The following ATP10D variants were observed in gnomAD, a reference collection of about 807,000 sequenced individuals.
ATP10D encodes the protein phospholipid-transporting ATPase VD.
Under a neutral mutation model 144.8 loss-of-function variants are expected in ATP10D, and 89 were observed. The observed-to-expected ratio is 0.61, with a 90% CI of 0.52 to 0.73. ATP10D has a LOEUF of 0.73. Among genes scored for constraint, ATP10D ranks in the 30% least tolerant of loss-of-function variants. ATP10D has a pLI of 0.00. For missense variants in ATP10D, 1,603 were observed against 1,714.8 expected (o/e 0.93, Z 1.15); for synonymous variants, 571 against 615.1 (o/e 0.93, Z 1.06).
intron 10 of ATP10D, among the ~76,000 whole-genome samples, chr4:47,549,079 T>C (rs1463118044): frequency 6.6e-6 from 1 of 152,190 alleles, no homozygotes; most frequent in African/African-American, 2.4e-5. Context: ...CCTTTGGGCA[T>C]TAGAATGTCA....
chr4:47,579,884 C>T (rs954614760), intron 19 of ATP10D, among the ~76,000 whole-genome samples: 1 of 152,228 alleles, frequency 6.6e-6, no homozygotes, highest in East Asian at 1.9e-4. Flanking sequence ...GAATACTGCG[C>T]TGGCAGCAAG....
intron 3 of ATP10D, among the ~76,000 whole-genome samples, chr4:47,522,724 C>T (rs1717008780): frequency 6.6e-6 from 1 of 152,070 alleles, no homozygotes; most frequent in Non-Finnish European, 1.5e-5. Context: ...TGCGTGCCAC[C>T]ATGCCCAGCT....
intron 3 of ATP10D, among the ~76,000 whole-genome samples, chr4:47,518,945 T>C (rs1716813468): frequency 6.6e-6 from 1 of 152,156 alleles, no homozygotes. Context: ...GGCCAATTTT[T>C]TCTAATTTGT....
intron 9 of ATP10D, among the ~76,000 whole-genome samples, chr4:47,540,076 G>A (rs1718057782): frequency 6.6e-6 from 1 of 152,120 alleles, no homozygotes; most frequent in Non-Finnish European, 1.5e-5. Context: ...TCTTTTTTAT[G>A]CAGTGGTTTA....
chr4:47,515,692 C>T (rs1192844999), intron 3 of ATP10D, 22 bp downstream of exon 3: 2 of 1,533,482 alleles, frequency 1.3e-6, no homozygotes, highest in Non-Finnish European at 1.8e-6. Context: ...GGGACCTTTG[C>T]TAAGGACTAT....
chr4:47,519,850 G>T (rs539558345), intron 3 of ATP10D, among the ~76,000 whole-genome samples: 4 of 152,210 alleles, frequency 2.6e-5, no homozygotes, highest in Non-Finnish European at 5.9e-5. Flanking sequence ...TCTAGAGTGG[G>T]GACCCTATCT....
At chr4:47,565,542 G>T (rs1577690995) in intron 15 of ATP10D, among the ~76,000 whole-genome samples, 1 of 152,112 alleles carries the variant, frequency 6.6e-6, no homozygotes, top group East Asian at 1.9e-4. Context: ...TTACCCTCCT[G>T]TGCCGCTTTT....
chr4:47,518,279 A>C (rs1716784189), intron 3 of ATP10D, among the ~76,000 whole-genome samples: 1 of 152,188 alleles, frequency 6.6e-6, no homozygotes, highest in African/African-American at 2.4e-5. Context: ...TTTCTATAGA[A>C]AAGTATCATT....
chr4:47,491,024 G>T, intron 1 of ATP10D: 4 of 712,926 alleles, frequency 5.6e-6, no homozygotes, highest in East Asian at 3.0e-5. Context: ...AGCAGCTCAG[G>T]TTCCTTCCCA....
At chr4:47,549,406 T>C (rs1424374263) in intron 10 of ATP10D, among the ~76,000 whole-genome samples, 1 of 152,238 alleles carries the variant, frequency 6.6e-6, no homozygotes, top group Non-Finnish European at 1.5e-5. Flanking sequence ...GTTTTGGATC[T>C]ATTGTCTCCC....
Position 47,515,514 on chromosome 4 carries a change from A to G in ATP10D, c.329A>G (p.Asn110Ser), listed in dbSNP as rs757700600. The change falls in exon 3 of 23, where the codon AAC becomes AGC. Residue 110 changes from asparagine to serine, a missense_variant. Asn to Ser is a conservative substitution (Grantham distance 46). Transcript: ENST00000273859. ...TATTTCCTGTTCCTAGTTGTCCTGA[A>G]CTGGGTACCTTTGGTAGAAGCCTTC... is the stretch of plus-strand genomic sequence containing the variant. ...NLYFLFLVVL[N>S]WVPLVEAFQK... 37 of 1,613,736 alleles carry G rather than the reference A, an allele frequency of 2.3e-5. No individual in the cohort carries two copies. In the African/African-American group the frequency reaches 4.1e-4, roughly 18 times the overall value.
intron 22 of ATP10D, among the ~76,000 whole-genome samples, chr4:47,588,571 T>C (rs528255719): frequency 6.6e-6 from 1 of 152,252 alleles, no homozygotes; most frequent in Admixed American, 6.5e-5. Context: ...ATCCAGCCCT[T>C]TACAGAAAAG....
chr4:47,499,288 A>G (rs1715560433), intron 1 of ATP10D, among the ~76,000 whole-genome samples: 1 of 152,212 alleles, frequency 6.6e-6, no homozygotes, highest in African/African-American at 2.4e-5. Flanking sequence ...CTGGAAAAGT[A>G]CCTGGTTGGC....
At chr4:47,528,491 GTGTGTGTGTGTGTGTGTGTGTGTA>G (rs1423931517) in intron 5 of ATP10D, among the ~76,000 whole-genome samples, 91 of 121,936 alleles carry the variant, frequency 7.5e-4, no homozygotes, top group Non-Finnish European at 1.1e-3. Flanking sequence ...GTGTGTGTGT[GTGTGTGTGTGTGTGTGTGTGTGTA>G]TATATATATA....
At chr4:47,560,664 T>C (rs1347234938) in intron 13 of ATP10D, among the ~76,000 whole-genome samples, 3 of 152,248 alleles carry the variant, frequency 2.0e-5, no homozygotes, top group African/African-American at 7.2e-5. Context: ...GCATACTTTC[T>C]GATTTAATTA....
In ATP10D at chr4:47,554,917, GA is replaced by G; in HGVS notation, c.1824+4del. 1.2e-6 allele frequency: 2 copies of G among 1,612,956 alleles called. No individual in the cohort carries two copies. Among genetic ancestry groups the G allele is most frequent in the Non-Finnish European group, 1.7e-6 (2 of 1,179,172 alleles). The stretch of plus-strand genomic sequence containing the variant: ...CTCCTAACCAACCCCGACAAAAGGT[GA>G]GTAAGTTCTCTAATGCAAACAAGGG... On this transcript the variant is annotated splice_donor_region_variant and intron_variant, in intron 11 of 22. Coordinates refer to ENST00000273859, the MANE Select transcript of ATP10D (RefSeq NM_020453.4).
At chr4:47,498,887 T>C (rs1482040425) in intron 1 of ATP10D, among the ~76,000 whole-genome samples, 1 of 152,210 alleles carries the variant, frequency 6.6e-6, no homozygotes, top group Non-Finnish European at 1.5e-5. Context: ...ATGTTTTACA[T>C]ACATACACAA....
At chr4:47,518,168 T>C in intron 3 of ATP10D, among the ~76,000 whole-genome samples, 1 of 152,182 alleles carries the variant, frequency 6.6e-6, no homozygotes, top group Non-Finnish European at 1.5e-5. Context: ...GGTGAAATTA[T>C]GGGGGCTATT....
chr4:47,489,802 T>G (rs10030956), intron 1 of ATP10D, among the ~76,000 whole-genome samples: 149,804 of 152,326 alleles, frequency 0.98, 73,715 homozygotes, highest in East Asian at 1. Context: ...ATAATAAGCA[T>G]TGTTGAACAG....
Sources: allele counts gnomAD v4.1 joint callset (sites outside exome capture counted in the v4.1 genomes callset), GRCh38; gene constraint gnomAD v4.1.1; transcripts MANE v1.5; gene names NCBI Gene and HGNC (gene_info 2026-07-23, HGNC 2026-07-21).